The following THSD1 variants were observed in gnomAD, a reference collection of about 807,000 sequenced individuals.
The protein encoded by THSD1 is thrombospondin type-1 domain-containing protein 1.
A neutral mutation model predicts 46.3 loss-of-function variants in THSD1; 34 were observed. The observed-to-expected ratio is 0.74, with a 90% CI of 0.56 to 0.98. The LOEUF (loss-of-function observed/expected upper bound fraction) is 0.98. Among genes scored for constraint, THSD1 ranks in the 50% least tolerant of loss-of-function variants. THSD1 has a pLI of 0.00. For missense variants in THSD1, 1,023 were observed against 1,058.3 expected (o/e 0.97, Z 0.46); for synonymous variants, 407 against 416.5 (o/e 0.98, Z 0.28).
Position 52,397,475 on chromosome 13 carries a change from C to T in THSD1, c.778G>A (p.Val260Met), listed in dbSNP as rs1957820605. The T allele has an allele frequency of 4.3e-6, 7 of 1,614,040 alleles. No homozygotes were observed. Among genetic ancestry groups the T allele is most frequent in the Non-Finnish European group, 5.9e-6 (7 of 1,180,048 alleles). ...ACGAAGGTGCATGGTGGAGGCAGCA[C>T]TGTCACCTCTACCCCGGACTCACAT... ...LTCESGVEVT[V>M]LPPPCTFVQG... Residue 260 changes from valine (V) to methionine (M), a missense_variant, in exon 3 of 5, where the codon GTG becomes ATG. By Grantham distance (21) the Val-to-Met change is conservative. Around this residue, in one of 3 missense-constraint regions of THSD1, gnomAD observed 429 missense variants for 518.3 expected, o/e 0.83. Transcript: ENST00000258613.
intron 3 of THSD1, among the ~76,000 whole-genome samples, chr13:52,390,316 A>T (rs1056923967): frequency 6.6e-6 from 1 of 152,138 alleles, no homozygotes; most frequent in Non-Finnish European, 1.5e-5. Flanking sequence ...GCACTACAAA[A>T]CATAAAACGT....
At chr13:52,392,686 T>C (rs367853289) in intron 3 of THSD1, among the ~76,000 whole-genome samples, 9 of 152,198 alleles carry the variant, frequency 5.9e-5, no homozygotes, top group Admixed American at 4.6e-4. Flanking sequence ...TTTCTACCCA[T>C]AAAGCTATCT....
In THSD1 at chr13:52,378,782, C is replaced by T. The variant is rs1957665970; in HGVS notation, c.1188G>A (p.Gln396=). 1.9e-6 allele frequency: 3 copies of T among 1,549,688 alleles called. No individual in the cohort carries two copies. Among genetic ancestry groups the T allele is most frequent in the Non-Finnish European group, 2.6e-6 (3 of 1,153,154 alleles). ...LCSLEECAAF[Q]PSSPSPLQPQ... ...GCTGAAGAGGAGATGGGCTGGATGG[C>T]TGGAAAGCTGCAAAAAAAAACAAAA... is the stretch of plus-strand genomic sequence containing the variant. The change falls in exon 5 of 5, where the codon CAG becomes CAA. Residue 396 remains glutamine (Q), a synonymous_variant. Transcript: ENST00000258613.
chr13:52,387,469 T>C (rs1957741214), intron 3 of THSD1, among the ~76,000 whole-genome samples: 1 of 152,112 alleles, frequency 6.6e-6, no homozygotes, highest in Admixed American at 6.6e-5. Context: ...CATAAAACTA[T>C]TAAGAGACAA....
In THSD1 at chr13:52,378,569, A is replaced by G. The variant is rs768600373; in HGVS notation, c.1401T>C (p.Asn467=). The G allele has an allele frequency of 1.4e-5, 22 of 1,613,996 alleles. No homozygotes were observed. The South Asian group carries it at 2.3e-4, about 17-fold the overall frequency. ...CGCGCTGCTCGCTCAGCTCGCAGAT[A>G]TTCTCCTCGTCCGAGTTCTTCCGGA... is the stretch of plus-strand genomic sequence containing the variant. ...PSFRKNSDEE[N]ICELSEQRGS... is the part of the protein sequence containing the mutation. The change falls in exon 5 of 5, where the codon AAT becomes AAC. Residue 467 remains asparagine (N), a synonymous_variant. Coordinates refer to ENST00000258613, the MANE Select transcript of THSD1 (RefSeq NM_018676.4).
At chr13:52,395,554 C>T (rs1021928195) in intron 3 of THSD1, among the ~76,000 whole-genome samples, 5 of 152,052 alleles carry the variant, frequency 3.3e-5, no homozygotes, top group Non-Finnish European at 5.9e-5. Flanking sequence ...AGGGAAGAGA[C>T]GTCCATCTGG....
At position 52,402,683 on chromosome 13, in the gene THSD1, T is replaced by C; in HGVS notation, c.-81-2A>G. The C allele has an allele frequency of 1.9e-6, 3 of 1,579,380 alleles. No individual in the cohort carries two copies. Among genetic ancestry groups the C allele is most frequent in the Non-Finnish European group, 2.6e-6 (3 of 1,160,908 alleles). On this transcript the variant is annotated splice_acceptor_variant, in intron 1 of 4. Transcript: ENST00000258613. LOFTEE classifies it low-confidence loss of function (5UTR_SPLICE). ...TGTGATTTTTTTCCCCAAAAACACC[T>C]GAAATTAGAACCTCAAAAAATGATG...
chr13:52,394,557 T>A (rs1957798251), intron 3 of THSD1, among the ~76,000 whole-genome samples: 1 of 149,726 alleles, frequency 6.7e-6, no homozygotes, highest in South Asian at 2.1e-4. Context: ...GAGTTTGCAG[T>A]GAGCCAAGAT....
At position 52,378,162 on chromosome 13, in the gene THSD1, G is replaced by A. The variant is rs766406985; in HGVS notation, c.1808C>T (p.Pro603Leu). The change falls in exon 5 of 5, where the codon CCT becomes CTT. Residue 603 changes from proline to leucine, a missense_variant. Coordinates refer to ENST00000258613, the MANE Select transcript of THSD1 (RefSeq NM_018676.4). ...EQPAVSAGER[P>L]PSRLDLNVTQ... ...CACATTTAGATCCAGCCTGGAGGGAGGCCTTTCCCCGGCACTGACCGCGGG... is the reference window on the plus strand; with the variant it reads ...CACATTTAGATCCAGCCTGGAGGGAAGCCTTTCCCCGGCACTGACCGCGGG... The A allele has an allele frequency of 9.3e-6, 15 of 1,614,204 alleles. No homozygotes were observed. The highest frequency in any genetic ancestry group is 1.7e-5 in the Admixed American group (1 of 60,024).
chr13:52,390,977 G>A (rs1463907039), intron 3 of THSD1, among the ~76,000 whole-genome samples: 1 of 151,814 alleles, frequency 6.6e-6, no homozygotes, highest in Non-Finnish European at 1.5e-5. Context: ...TATAAATAAT[G>A]GAACTCATAT....
In THSD1 at chr13:52,378,132, T is replaced by C. The variant is rs759836084; in HGVS notation, c.1838A>G (p.Gln613Arg). Reference protein sequence around the residue: ...PPSRLDLNVTQASCAISPSQT... With the variant: ...PPSRLDLNVTRASCAISPSQT... ...GCTGGGGCTTATGGCACAACTGGCC[T>C]GAGTCACATTTAGATCCAGCCTGGA... Residue 613 changes from glutamine (Q) to arginine (R), a missense_variant, in exon 5 of 5, where the codon CAG becomes CGG. Physicochemically the swap from Gln to Arg is conservative, Grantham distance 43 (BLOSUM62 1). Around this residue, in one of 3 missense-constraint regions of THSD1, gnomAD observed 578 missense variants for 497.4 expected, o/e 1.16. Coordinates refer to ENST00000258613, the MANE Select transcript of THSD1 (RefSeq NM_018676.4). 29 of 1,614,090 alleles carry C rather than the reference T, an allele frequency of 1.8e-5. No individual in the cohort carries two copies. The South Asian group carries it at 2.5e-4, about 14-fold the overall frequency.
At chr13:52,389,572 C>G (rs1397257547) in intron 3 of THSD1, among the ~76,000 whole-genome samples, 1 of 151,720 alleles carries the variant, frequency 6.6e-6, no homozygotes, top group East Asian at 1.9e-4. Context: ...GCCTTATGAA[C>G]ACTAATCAAA....
intron 3 of THSD1, among the ~76,000 whole-genome samples, chr13:52,395,085 A>G (rs563365490): frequency 6.6e-6 from 1 of 152,302 alleles, no homozygotes; most frequent in African/African-American, 2.4e-5. Context: ...ATGTGGGGGC[A>G]GCCTGACCTT....
At position 52,389,544 on chromosome 13, in the gene THSD1, T is replaced by TA. The variant is rs200483277; in HGVS notation, c.1022-3359dup. On this transcript the variant is annotated intron_variant, in intron 3 of 4. Transcript: ENST00000258613. ...CGTATAGACATATATATGTTAAAAG[T>TA]AAAAAAACGGAAGATATGCCTTATG... Among the ~76,000 whole-genome samples, 492 of 151,646 alleles carry TA rather than the reference T, an allele frequency of 3.2e-3. 3 individuals are homozygous for TA. The highest frequency in any genetic ancestry group is 0.011 in the African/African-American group (444 of 41,308).
At chr13:52,392,462 A>G (rs565196753) in intron 3 of THSD1, among the ~76,000 whole-genome samples, 2 of 152,356 alleles carry the variant, frequency 1.3e-5, no homozygotes, top group African/African-American at 4.8e-5. Flanking sequence ...ACTGTAGTTC[A>G]TATGTTAGAA....
intron 4 of THSD1, among the ~76,000 whole-genome samples, chr13:52,379,782 C>A (rs1957677954): frequency 6.6e-6 from 1 of 151,984 alleles, no homozygotes; most frequent in Non-Finnish European, 1.5e-5. Flanking sequence ...CAGAAATTTT[C>A]AAGATAAAAG....
rs144858425 is a variant in THSD1, at chr13:52,403,034, A to C, written c.-81-353T>G. On this transcript the variant is annotated intron_variant, in intron 1 of 4. Transcript: ENST00000258613. ...ATTTGGATACATTTTCACATTATTT[A>C]TCTGCTTGGCATTTCACACTGATCA... is the stretch of plus-strand genomic sequence containing the variant. The C allele has an allele frequency of 1.5e-4, 118 of 798,092 alleles. No homozygotes were observed. The Middle Eastern group carries it at 3.2e-3, about 22-fold the overall frequency. The allele number at this position is 798,092 out of a possible 1,614,324, so 49.4% of individuals were successfully genotyped here.
intron 3 of THSD1, among the ~76,000 whole-genome samples, chr13:52,388,072 G>C (rs1284539197): frequency 2.6e-5 from 4 of 151,924 alleles, no homozygotes; most frequent in Admixed American, 2.6e-4. Context: ...TATACCACCA[G>C]AGAAGAATGA....
chr13:52,396,940 C>T (rs1456480006), intron 3 of THSD1, among the ~76,000 whole-genome samples: 1 of 152,158 alleles, frequency 6.6e-6, no homozygotes, highest in Admixed American at 6.5e-5. Context: ...TTCCTAAATG[C>T]CAGGCACTAT....
Sources: gnomAD v4.1 joint callset for allele counts (sites outside exome capture counted in the v4.1 genomes callset) on GRCh38, gnomAD v4.1.1 for gene constraint, gnomAD v4.1.1 regional missense constraint, MANE v1.5 for transcripts, NCBI Gene and HGNC (gene_info 2026-07-23, HGNC 2026-07-21) for gene names.